The following RIPOR2 variants were observed in gnomAD, a reference collection of about 807,000 sequenced individuals.
RIPOR2 encodes the protein RHO family interacting cell polarization regulator 2.
A neutral mutation model predicts 114.5 loss-of-function variants in RIPOR2; 39 were observed. The ratio of observed to expected loss-of-function variants is 0.34; its 90% CI spans 0.26 to 0.44. RIPOR2 has a LOEUF of 0.44. Among genes scored for constraint, RIPOR2 ranks in the 20% least tolerant of loss-of-function variants. RIPOR2 has a pLI of 1.00. For synonymous variants in RIPOR2, 445 were observed against 484.4 expected (o/e 0.92, Z 1.07); for missense variants, 1,007 against 1,255.1 (o/e 0.80, Z 2.99).
chr6:24,892,758 G>A (rs1320827921), intron 1 of RIPOR2, among the ~76,000 whole-genome samples: 1 of 152,134 alleles, frequency 6.6e-6, no homozygotes, highest in Admixed American at 6.5e-5. Flanking sequence ...AAAAAATGGT[G>A]GGAGAAGGAC....
intron 1 of RIPOR2, among the ~76,000 whole-genome samples, chr6:24,993,184 C>T (rs1774905173): frequency 2.0e-5 from 3 of 152,176 alleles, no homozygotes; most frequent in Admixed American, 2.0e-4. Context: ...CAAAAAACCA[C>T]CTCCTAGATT....
At chr6:24,925,441 T>C (rs1373621603) in intron 1 of RIPOR2, among the ~76,000 whole-genome samples, 1 of 152,152 alleles carries the variant, frequency 6.6e-6, no homozygotes, top group Non-Finnish European at 1.5e-5. Context: ...CGGTGGGTCA[T>C]GCCTGTAATC....
At chr6:25,026,259 T>G (rs1373328011) in intron 1 of RIPOR2, among the ~76,000 whole-genome samples, 1 of 152,188 alleles carries the variant, frequency 6.6e-6, no homozygotes, top group Non-Finnish European at 1.5e-5. Flanking sequence ...TTTGTTGTAT[T>G]TAGCTGTTAG....
At chr6:24,994,878 T>A (rs1400812541) in intron 1 of RIPOR2, among the ~76,000 whole-genome samples, 1 of 152,224 alleles carries the variant, frequency 6.6e-6, no homozygotes, top group Non-Finnish European at 1.5e-5. Flanking sequence ...TCTTCCCATT[T>A]CTTGGATGTA....
At chr6:24,881,954 G>GC (rs1162514750) in intron 1 of RIPOR2, among the ~76,000 whole-genome samples, 1 of 152,214 alleles carries the variant, frequency 6.6e-6, no homozygotes, top group African/African-American at 2.4e-5. Context: ...ATTGCAGTTT[G>GC]GGGGAAGAAT....
intron 1 of RIPOR2, among the ~76,000 whole-genome samples, chr6:24,912,832 T>G (rs1017885491): frequency 3.9e-5 from 6 of 152,000 alleles, no homozygotes; most frequent in African/African-American, 1.5e-4. Flanking sequence ...ATATAACCTT[T>G]TATGAGAGGG....
chr6:25,013,306 G>T (rs1055591148), intron 1 of RIPOR2, among the ~76,000 whole-genome samples: 11 of 151,932 alleles, frequency 7.2e-5, no homozygotes, highest in Non-Finnish European at 2.9e-5. Context: ...TGATTCTTCA[G>T]TGGTGGTCTG....
intron 21 of RIPOR2, 62 bp downstream of exon 21, chr6:24,809,655 G>A: frequency 8.9e-7 from 1 of 1,127,474 alleles, no homozygotes; most frequent in Non-Finnish European, 1.3e-6. Context: ...CATCTAAATG[G>A]GAACATCCGT....
intron 1 of RIPOR2, among the ~76,000 whole-genome samples, chr6:25,040,707 C>T (rs1777429919): frequency 6.6e-6 from 1 of 151,672 alleles, no homozygotes. Flanking sequence ...ATTCTCATGC[C>T]TCAGCCTCCT....
At chr6:24,926,792 C>G (rs1770884567) in intron 1 of RIPOR2, among the ~76,000 whole-genome samples, 1 of 152,040 alleles carries the variant, frequency 6.6e-6, no homozygotes, top group South Asian at 2.1e-4. Context: ...TACATTATCT[C>G]CCTTTAAACG....
chr6:24,811,184 T>C (rs1781123090), intron 20 of RIPOR2, among the ~76,000 whole-genome samples: 1 of 151,706 alleles, frequency 6.6e-6, no homozygotes, highest in Admixed American at 6.6e-5. Context: ...CTGCAGCTCT[T>C]TTCCAAGATT....
In RIPOR2 at chr6:25,041,159, C is replaced by T. The variant is rs78834594; in HGVS notation, c.76+692G>A. 3.1e-3 allele frequency among the ~76,000 whole-genome samples: 469 copies of T among 152,320 alleles called. 2 individuals are homozygous for T. Among genetic ancestry groups the T allele is most frequent in the African/African-American group, 0.011 (445 of 41,564 alleles). On this transcript the variant is annotated intron_variant, in intron 1 of 13. Coordinates refer to the RIPOR2 transcript ENST00000510784. Reference sequence around the variant, plus strand: ...CCTGTGAAAACAGACCCCTTTCACTCATTCTTCTTAGCAGCCCAGCCCTCC... The same window carrying T: ...CCTGTGAAAACAGACCCCTTTCACTTATTCTTCTTAGCAGCCCAGCCCTCC...
At chr6:24,806,951 A>G (rs142499768) in intron 21 of RIPOR2, among the ~76,000 whole-genome samples, 2,352 of 152,348 alleles carry the variant, frequency 0.015, 25 homozygotes, top group Non-Finnish European at 0.025. Flanking sequence ...CTATGTAAAC[A>G]TACAGAGATG....
chr6:24,899,348 T>C (rs1768191904), intron 1 of RIPOR2, among the ~76,000 whole-genome samples: 2 of 152,306 alleles, frequency 1.3e-5, no homozygotes, highest in South Asian at 4.1e-4. Context: ...AACATATGAG[T>C]TAAGTCAGTG....
intron 4 of RIPOR2, among the ~76,000 whole-genome samples, chr6:24,871,967 T>C (rs1262260631): frequency 6.6e-6 from 1 of 152,196 alleles, no homozygotes. Context: ...ATTTTTAACA[T>C]TGATAAAGCC....
chr6:24,925,473 G>A (rs1770798226), intron 1 of RIPOR2, among the ~76,000 whole-genome samples: 1 of 152,140 alleles, frequency 6.6e-6, no homozygotes, highest in Non-Finnish European at 1.5e-5. Context: ...GGAAGCCGAG[G>A]TGGGTGGATC....
intron 1 of RIPOR2, among the ~76,000 whole-genome samples, chr6:24,972,245 T>C (rs1773822744): frequency 6.6e-6 from 1 of 152,066 alleles, no homozygotes; most frequent in Non-Finnish European, 1.5e-5. Context: ...GAGAAAAAAA[T>C]GTAGGCAGTT....
intron 1 of RIPOR2, among the ~76,000 whole-genome samples, chr6:24,893,868 A>G (rs1477018252): frequency 6.6e-6 from 1 of 152,252 alleles, no homozygotes; most frequent in East Asian, 1.9e-4. Flanking sequence ...GAGAACAGAG[A>G]GGTCCTAGGC....
At chr6:24,935,810 G>C in intron 1 of RIPOR2, 28 bp downstream of exon 1, 1 of 1,506,756 alleles carries the variant, frequency 6.6e-7, no homozygotes, top group Non-Finnish European at 8.9e-7. Context: ...GCAGACCGGA[G>C]AGCCTCCTGC....
Sources: gnomAD v4.1 joint callset for allele counts (sites outside exome capture counted in the v4.1 genomes callset) on GRCh38, gnomAD v4.1.1 for gene constraint, MANE v1.5 for transcripts, NCBI Gene and HGNC (gene_info 2026-07-23, HGNC 2026-07-21) for gene names.